Variants in ARHGAP22 observed in about 807,000 individuals in gnomAD.
ARHGAP22 encodes the protein rho GTPase-activating protein 22.
In ARHGAP22, 48 loss-of-function variants were observed where a neutral mutation model predicts 59.1. The ratio of observed to expected loss-of-function variants is 0.81; its 90% CI spans 0.64 to 1.03. The LOEUF (loss-of-function observed/expected upper bound fraction) is 1.03. Among genes scored for constraint, ARHGAP22 ranks in the 50% least tolerant of loss-of-function variants. ARHGAP22 has a pLI of 0.00. For synonymous variants in ARHGAP22, 445 were observed against 416.4 expected, an observed-to-expected ratio of 1.07 and a Z score of -0.84; for missense variants, 1,015 against 958.7, an observed-to-expected ratio of 1.06 and a Z score of -0.78.
intron 3 of ARHGAP22, among the ~76,000 whole-genome samples, chr10:48,497,421 T>G (rs147856353): frequency 6.6e-6 from 1 of 152,288 alleles, no homozygotes; most frequent in East Asian, 1.9e-4. Context: ...CTCACTTCTA[T>G]GTTTCCAGAA....
chr10:48,545,721 GACAGC>G (rs2056375173), intron 3 of ARHGAP22, among the ~76,000 whole-genome samples: 1 of 152,188 alleles, frequency 6.6e-6, no homozygotes, highest in African/African-American at 2.4e-5. Context: ...CTCCCTTTAA[GACAGC>G]AGGCAGCAGT....
chr10:48,653,550 G>C (rs1028295775), upstream of ARHGAP22, among the ~76,000 whole-genome samples: 3 of 152,256 alleles, frequency 2.0e-5, no homozygotes, highest in Non-Finnish European at 4.4e-5. Context: ...TCTGGGGAGT[G>C]ACCAGGGATA....
intron 4 of ARHGAP22, among the ~76,000 whole-genome samples, chr10:48,463,054 T>C (rs949965941): frequency 6.6e-6 from 1 of 152,260 alleles, no homozygotes; most frequent in African/African-American, 2.4e-5. Flanking sequence ...TAGTTATTTA[T>C]AATCAAGAGA....
intron 3 of ARHGAP22, among the ~76,000 whole-genome samples, chr10:48,510,224 C>T (rs1312739897): frequency 2.0e-5 from 3 of 152,188 alleles, no homozygotes; most frequent in African/African-American, 7.2e-5. Context: ...CATGAGCATG[C>T]TCCCCCCATA....
intron 1 of ARHGAP22, among the ~76,000 whole-genome samples, chr10:48,649,025 C>G (rs927911640): frequency 6.6e-6 from 1 of 152,116 alleles, no homozygotes; most frequent in Non-Finnish European, 1.5e-5. Flanking sequence ...TTGCAAAGAT[C>G]CAGGTGAGAG....
rs559960135 is a variant in ARHGAP22 at position 48,526,117 on chromosome 10, C to T, written c.322+29346G>A. ...CTGGAATTTTCTCCCTCCCTCCCTA[C>T]CACAATTCCATTTGGGGAGAACAGA... On this transcript the variant is annotated intron_variant, in intron 3 of 9. Coordinates refer to ENST00000249601, the MANE Select transcript of ARHGAP22 (RefSeq NM_021226.4). Among the ~76,000 whole-genome samples the T allele has an allele frequency of 1.1e-4, 16 of 152,168 alleles. 1 individual carries two copies. The highest frequency in any genetic ancestry group is 3.6e-4 in the African/African-American group (15 of 41,504).
intron 3 of ARHGAP22, among the ~76,000 whole-genome samples, chr10:48,529,336 T>A (rs1163733405): frequency 5.3e-5 from 8 of 152,174 alleles, no homozygotes; most frequent in Non-Finnish European, 1.0e-4. Context: ...AGTTCTTGCA[T>A]CTTATGTAAT....
At chr10:48,554,600 T>G (rs1056366631) in intron 3 of ARHGAP22, among the ~76,000 whole-genome samples, 2 of 152,166 alleles carry the variant, frequency 1.3e-5, no homozygotes, top group African/African-American at 4.8e-5. Flanking sequence ...CTGCAGAGTT[T>G]TGTCCATGTG....
intron 1 of ARHGAP22, among the ~76,000 whole-genome samples, chr10:48,611,081 T>G (rs2060865530): frequency 6.6e-6 from 1 of 152,208 alleles, no homozygotes; most frequent in Admixed American, 6.5e-5. Context: ...TCTGGGCTGC[T>G]CATTGAATTG....
chr10:48,558,354 T>TTGTTTTGTTTTGTTTTG (rs1554912056), intron 2 of ARHGAP22, among the ~76,000 whole-genome samples: 1 of 150,672 alleles, frequency 6.6e-6, no homozygotes, highest in African/African-American at 2.4e-5. Context: ...TTTTTTTGTT[T>TTGTTTTGTTTTGTTTTG]TTTTGTTTTG....
intron 3 of ARHGAP22, among the ~76,000 whole-genome samples, chr10:48,489,455 T>C (rs1025906620): frequency 6.6e-6 from 1 of 152,216 alleles, no homozygotes; most frequent in African/African-American, 2.4e-5. Flanking sequence ...GCAAGGAAGA[T>C]GAAATGGAGG....
At chr10:48,601,083 G>C (rs1156529352) in intron 1 of ARHGAP22, among the ~76,000 whole-genome samples, 2 of 152,198 alleles carry the variant, frequency 1.3e-5, no homozygotes, top group Non-Finnish European at 2.9e-5. Flanking sequence ...TTAGGTGACT[G>C]TTCCTTAGCT....
Position 48,582,997 on chromosome 10 carries a change from C to T in ARHGAP22, c.190G>A (p.Asp64Asn). Residue 64 changes from aspartate to asparagine, a missense_variant, in exon 2 of 10, where the codon GAT (aspartate) becomes AAT (asparagine). Asp to Asn is a conservative substitution (Grantham distance 23). Coordinates refer to ENST00000249601, the MANE Select transcript of ARHGAP22 (RefSeq NM_021226.4). ...TTGTCCTTGTAGTAGAAAAGCTGAT[C>T]CCCACGCAGCACAAACCAGCGCTGC... ...WQQRWFVLRG[D>N]QLFYYKDKDE... 1 of 1,614,228 alleles carries T rather than the reference C, an allele frequency of 6.2e-7. No individual in the cohort carries two copies. Among genetic ancestry groups the T allele is most frequent in the Non-Finnish European group, 8.5e-7 (1 of 1,180,034 alleles).
chr10:48,567,078 C>T (rs962289182), intron 2 of ARHGAP22, among the ~76,000 whole-genome samples: 7 of 152,220 alleles, frequency 4.6e-5, no homozygotes, highest in African/African-American at 1.7e-4. Flanking sequence ...AGTGGGTCCT[C>T]TTTGCAAAGT....
At chr10:48,430,985 T>C in the ARHGAP22 span, 2 of 584,104 alleles carry the variant, frequency 3.4e-6, no homozygotes, top group Non-Finnish European at 6.0e-6. Context: ...AGATTAGTAC[T>C]TCCTTTTAAT....
chr10:48,524,050 T>A, intron 3 of ARHGAP22: 1 of 1,474,672 alleles, frequency 6.8e-7, no homozygotes, highest in Non-Finnish European at 9.0e-7. Context: ...GCGCCGGAGT[T>A]ACCTTTGGGC....
chr10:48,459,794 G>A lies in ARHGAP22; in HGVS notation c.549C>T (p.Ile183=). 1 of 1,613,890 alleles carries A rather than the reference G, an allele frequency of 6.2e-7. No individual in the cohort carries two copies. Among genetic ancestry groups the A allele is most frequent in the South Asian group, 1.1e-5 (1 of 91,088 alleles). Residue 183 remains isoleucine (I), a synonymous_variant, in exon 5 of 10, where the codon ATC becomes ATT. Coordinates refer to ENST00000249601, the MANE Select transcript of ARHGAP22 (RefSeq NM_021226.4). ...PLLVEQCVDF[I]RERGLTEEGL... is the part of the protein sequence containing the mutation. Reference sequence around the variant, plus strand: ...CCTCCTCAGTGAGCCCGCGCTCCCGGATGAAGTCCACACACTGCTCCACCA... The same window carrying A: ...CCTCCTCAGTGAGCCCGCGCTCCCGAATGAAGTCCACACACTGCTCCACCA...
downstream of ARHGAP22, among the ~76,000 whole-genome samples, chr10:48,443,598 T>A (rs1432444036): frequency 6.6e-6 from 1 of 152,182 alleles, no homozygotes; most frequent in South Asian, 2.1e-4. Flanking sequence ...ATGTCACAGC[T>A]GCTTAGCTAG....
intron 1 of ARHGAP22, among the ~76,000 whole-genome samples, chr10:48,641,722 A>G (rs2062054489): frequency 6.6e-6 from 1 of 152,198 alleles, no homozygotes; most frequent in African/African-American, 2.4e-5. Context: ...CCTATTCAAC[A>G]TAGTGTTGGA....
Sources: gnomAD v4.1 joint callset for allele counts (sites outside exome capture counted in the v4.1 genomes callset) on GRCh38, gnomAD v4.1.1 for gene constraint, MANE v1.5 for transcripts, NCBI Gene and HGNC (gene_info 2026-07-23, HGNC 2026-07-21) for gene names.